The following PRDX6 variants were observed in gnomAD, a reference collection of about 807,000 sequenced individuals.
PRDX6 encodes peroxiredoxin 6.
In PRDX6, 13 loss-of-function variants were observed where a neutral mutation model predicts 20.0. That is an observed-to-expected ratio of 0.65 (90% CI 0.42 to 1.03). The LOEUF (loss-of-function observed/expected upper bound fraction) is 1.03, where lower values mean the gene tolerates loss of function less well. Ranked by LOEUF, PRDX6 falls within the 50% of genes least tolerant of loss-of-function variation. PRDX6 has a pLI of 0.00. For missense variants in PRDX6, 203 were observed against 276.9 expected (o/e 0.73, Z 1.89); for synonymous variants, 85 against 100.8 (o/e 0.84, Z 0.94).
rs1245974791 is a variant in PRDX6 at position 173,488,706 on chromosome 1, AT to A, written c.*844del. 1 of 152,240 alleles carries A rather than the reference AT, an allele frequency of 6.6e-6. No homozygotes were observed. The highest frequency in any genetic ancestry group is 1.5e-5 in the Non-Finnish European group (1 of 68,046). 9.4% of individuals were successfully genotyped at this position (152,240 alleles called of 1,614,324 possible). ...GTACACCATGTGAAGAGAAGAGAGA[AT>A]GATTGAAAATGTTTTAGTATAGAAC... On this transcript the variant is annotated 3_prime_UTR_variant, in exon 5 of 5. Transcript: ENST00000340385.
At chr1:173,477,912 T>G (rs1658730730) in intron 1 of PRDX6, among the ~76,000 whole-genome samples, 1 of 152,200 alleles carries the variant, frequency 6.6e-6, no homozygotes, top group Non-Finnish European at 1.5e-5. Context: ...GGGGCGGCAT[T>G]GACGATCACT....
At chr1:173,481,200 AT>A in intron 1 of PRDX6, 125 bp from the exon 2 acceptor site, 1 of 952,964 alleles carries the variant, frequency 1.0e-6, no homozygotes, top group Non-Finnish European at 1.6e-6. Flanking sequence ...TTAAAAGTAA[AT>A]ATCATCATAA....
At chr1:173,485,814 G>T (rs879530547) in intron 3 of PRDX6, among the ~76,000 whole-genome samples, 1 of 152,120 alleles carries the variant, frequency 6.6e-6, no homozygotes, top group Non-Finnish European at 1.5e-5. Context: ...TTAAAGTGAT[G>T]GGCCATATCC....
At chr1:173,482,510 C>G (rs1043505318) in intron 2 of PRDX6, among the ~76,000 whole-genome samples, 3 of 152,196 alleles carry the variant, frequency 2.0e-5, no homozygotes, top group African/African-American at 7.2e-5. Context: ...GAAGGAAATA[C>G]CTACTTCTAG....
In PRDX6 at chr1:173,488,765, TTAC is replaced by T. The variant is rs1658946965; in HGVS notation, c.*904_*906del. On this transcript the variant is annotated 3_prime_UTR_variant, in exon 5 of 5. Coordinates refer to ENST00000340385, the MANE Select transcript of PRDX6 (RefSeq NM_004905.3). ...GCAGTGGGTTGCTATTTTCTAGATT[TTAC>T]TTTTTAGGGAACAAAATAAAATCCT... 6.6e-6 allele frequency: 1 copy of T among 152,206 alleles called. No individual in the cohort carries two copies. The highest frequency in any genetic ancestry group is 2.1e-4 in the South Asian group (1 of 4,828). 9.4% of individuals were successfully genotyped at this position (152,206 alleles called of 1,614,324 possible).
At chr1:173,479,171 G>C (rs990162339) in intron 1 of PRDX6, among the ~76,000 whole-genome samples, 8 of 152,048 alleles carry the variant, frequency 5.3e-5, no homozygotes, top group African/African-American at 9.7e-5. Context: ...TTGGGGTTTT[G>C]TTAATGTTTA....
At chr1:173,486,043 A>T (rs1458331872) in intron 3 of PRDX6, among the ~76,000 whole-genome samples, 1 of 152,260 alleles carries the variant, frequency 6.6e-6, no homozygotes, top group African/African-American at 2.4e-5. Context: ...CCAGAACCAA[A>T]TAGAATTCCC....
intron 2 of PRDX6, among the ~76,000 whole-genome samples, chr1:173,484,146 A>ATATATATT (rs1424545057): frequency 3.6e-4 from 43 of 118,768 alleles, no homozygotes; most frequent in African/African-American, 1.6e-3. Flanking sequence ...AATTAGATAT[A>ATATATATT]TATATTTATA....
Position 173,483,133 on chromosome 1 carries a change from C to T in PRDX6, c.252+1651C>T, listed in dbSNP as rs530388788. On this transcript the variant is annotated intron_variant, in intron 2 of 4. Coordinates refer to ENST00000340385, the MANE Select transcript of PRDX6 (RefSeq NM_004905.3). ...TAGTGCACAGCAATAATTAAAGTGA[C>T]ATATTGCCAAAGGAAGCGGTTATAG... 4.3e-4 allele frequency among the ~76,000 whole-genome samples: 66 copies of T among 152,284 alleles called. No homozygotes were observed. In the South Asian group the frequency reaches 0.013, roughly 30 times the overall value.
chr1:173,478,862 G>A (rs945461755), intron 1 of PRDX6, among the ~76,000 whole-genome samples: 6 of 152,258 alleles, frequency 3.9e-5, no homozygotes, highest in African/African-American at 1.4e-4. Flanking sequence ...GATAGGACTA[G>A]GCCAGAAAAA....
chr1:173,487,272 C>A (rs1658916745), intron 4 of PRDX6, among the ~76,000 whole-genome samples: 1 of 152,100 alleles, frequency 6.6e-6, no homozygotes, highest in African/African-American at 2.4e-5. Context: ...AAGATGTGAC[C>A]AAGGCATGTA....
chr1:173,488,571 C>T lies in PRDX6; in HGVS notation c.*708C>T, dbSNP rs903545714. The T allele has an allele frequency of 1.3e-5, 2 of 152,174 alleles. No individual in the cohort carries two copies. The highest frequency in any genetic ancestry group is 2.9e-5 in the Non-Finnish European group (2 of 68,040). 9.4% of individuals were successfully genotyped at this position (152,174 alleles called of 1,614,324 possible). A position where few individuals can be genotyped will look rare whatever the true frequency, so the allele number is the denominator to read the frequency against. The stretch of plus-strand genomic sequence containing the variant: ...AATGGGGAGATTGCAGAAAAGGCTT[C>T]CCTTGGCTCCCAAGGAGGTGTAGCA... On this transcript the variant is annotated 3_prime_UTR_variant, in exon 5 of 5. Coordinates refer to ENST00000340385, the MANE Select transcript of PRDX6 (RefSeq NM_004905.3).
Position 173,477,493 on chromosome 1 carries a change from G to GT in PRDX6, c.95+2dup. The stretch of plus-strand genomic sequence containing the variant: ...GTTTCCACGACTTTCTGGGAGACTC[G>GT]TAAGTGGCCACCGCGTAGCCCTGTC... On this transcript the variant is annotated splice_donor_variant, in intron 1 of 4. Transcript: ENST00000340385. LOFTEE classifies it high-confidence loss of function. The GT allele has an allele frequency of 6.3e-7, 1 of 1,599,518 alleles. No homozygotes were observed. Among genetic ancestry groups the GT allele is most frequent in the Non-Finnish European group, 8.5e-7 (1 of 1,173,280 alleles).
intron 1 of PRDX6, 83 bp from the exon 2 acceptor site, chr1:173,481,243 A>G: frequency 7.5e-7 from 1 of 1,337,860 alleles, no homozygotes; most frequent in Non-Finnish European, 1.0e-6. Flanking sequence ...CCTGTTTTTG[A>G]TCCAGAAGTT....
intron 1 of PRDX6, among the ~76,000 whole-genome samples, chr1:173,477,833 G>A (rs564202762): frequency 1.3e-5 from 2 of 152,368 alleles, no homozygotes; most frequent in South Asian, 2.1e-4. Context: ...CCGCGGGAGG[G>A]TTTGTTGTCC....
intron 3 of PRDX6, 30 bp downstream of exon 3, chr1:173,485,537 G>A: frequency 6.4e-7 from 1 of 1,550,968 alleles, no homozygotes; most frequent in East Asian, 2.3e-5. Context: ...TTTGTAGTTA[G>A]CTTAACTGAT....
chr1:173,477,933 A>G (rs933269026), intron 1 of PRDX6, among the ~76,000 whole-genome samples: 3 of 152,194 alleles, frequency 2.0e-5, no homozygotes, highest in East Asian at 3.9e-4. Flanking sequence ...TCCCCGGACT[A>G]GTGCCCAGGG....
rs764341498 is a variant in PRDX6, at chr1:173,477,461, C to T, written c.64C>T (p.Arg22Cys). Reference sequence around the variant, plus strand: ...CTTTGAGGCCAATACCACCGTCGGCCGCATCCGTTTCCACGACTTTCTGGG... The same window carrying T: ...CTTTGAGGCCAATACCACCGTCGGCTGCATCCGTTTCCACGACTTTCTGGG... Reference protein sequence around the residue: ...PNFEANTTVGRIRFHDFLGDS... With the variant: ...PNFEANTTVGCIRFHDFLGDS... The change falls in exon 1 of 5, where the codon CGC (arginine) becomes TGC (cysteine). Residue 22 changes from arginine to cysteine, a missense_variant. Physicochemically the swap from Arg to Cys is radical, Grantham distance 180. Transcript: ENST00000340385. 19 of 1,607,550 alleles carry T rather than the reference C, an allele frequency of 1.2e-5. No homozygotes were observed. The highest frequency in any genetic ancestry group is 3.3e-5 in the South Asian group (3 of 90,300).
intron 1 of PRDX6, among the ~76,000 whole-genome samples, chr1:173,478,515 CT>C (rs933543579): frequency 1.3e-3 from 192 of 145,282 alleles, no homozygotes; most frequent in African/African-American, 1.8e-3. Context: ...CGGTGTTGCC[CT>C]TTTTTTTTTT....
Sources: gnomAD v4.1 joint callset for allele counts (sites outside exome capture counted in the v4.1 genomes callset) on GRCh38, gnomAD v4.1.1 for gene constraint, MANE v1.5 for transcripts, NCBI Gene and HGNC (gene_info 2026-07-23, HGNC 2026-07-21) for gene names.